The following DHODH variants were observed in gnomAD, a reference collection of about 807,000 sequenced individuals.
DHODH encodes the protein dihydroorotate dehydrogenase (quinone), mitochondrial.
In DHODH, 30 loss-of-function variants were observed where a neutral mutation model predicts 39.7. The observed-to-expected ratio is 0.76, with a 90% CI of 0.57 to 1.02. The LOEUF is 1.02. DHODH is among the 50% of genes least tolerant of loss of function. The pLI is 0.00. For synonymous variants in DHODH, 222 were observed against 213.8 expected (o/e 1.04, Z -0.34); for missense variants, 531 against 520.8 (o/e 1.02, Z -0.19).
In DHODH at chr16:72,008,755, CG is replaced by C. The variant is rs532854343; in HGVS notation, c.-8del. The C allele has an allele frequency of 1.5e-4, 240 of 1,551,530 alleles. No individual in the cohort carries two copies. Among genetic ancestry groups the C allele is most frequent in the Non-Finnish European group, 2.0e-4 (233 of 1,146,998 alleles). ...AGGGAGACAGGGGCGGGCTTAATGA[CG>C]GAAGGAGCATGGCGTGGAGACACCT... is the stretch of plus-strand genomic sequence containing the variant. On this transcript the variant is annotated 5_prime_UTR_variant, in exon 1 of 9. Transcript: ENST00000219240.
chr16:72,021,400 C>A, intron 5 of DHODH, 89 bp downstream of exon 5: 3 of 1,403,112 alleles, frequency 2.1e-6, no homozygotes, highest in Non-Finnish European at 1.9e-6. Context: ...TTCAGCATCA[C>A]CCTCAGAAGC....
At position 72,024,271 on chromosome 16, in the gene DHODH, T is replaced by C; in HGVS notation, c.*72T>C. The C allele has an allele frequency of 6.5e-7, 1 of 1,531,028 alleles. No individual in the cohort carries two copies. The highest frequency in any genetic ancestry group is 1.1e-5 in the South Asian group (1 of 89,154). The allele number at this position is 1,531,028 out of a possible 1,614,324, so 94.8% of individuals were successfully genotyped here. On this transcript the variant is annotated 3_prime_UTR_variant, in exon 9 of 9. Coordinates refer to ENST00000219240, the MANE Select transcript of DHODH (RefSeq NM_001361.5). ...CAGGCAAGCCTTTGTGGCTGGATCA[T>C]GAGAGGAGGGACTCCATCTTGAGCC...
intron 2 of DHODH, 148 bp downstream of exon 2, chr16:72,012,410 G>A: frequency 1.4e-6 from 1 of 712,722 alleles, no homozygotes; most frequent in East Asian, 2.7e-5. Flanking sequence ...ATTATTTTAT[G>A]TCATGTAATT....
rs1246090720 is a variant in DHODH, at chr16:72,027,103, TCTC to T, written c.*2907_*2909del. ...GCTCCGCCTCCCGGGTTCACACTAT[TCTC>T]CTGCCTCAGCCTCCCGAGTAGCTGG... On this transcript the variant is annotated 3_prime_UTR_variant, in exon 9 of 9. Transcript: ENST00000219240. The T allele has an allele frequency of 6.6e-6, 1 of 151,738 alleles. No homozygotes were observed. Among genetic ancestry groups the T allele is most frequent in the Non-Finnish European group, 1.5e-5 (1 of 68,012 alleles). 9.4% of individuals were successfully genotyped at this position (151,738 alleles called of 1,614,324 possible).
In DHODH at chr16:72,025,924, G is replaced by C. The variant is rs2041272267; in HGVS notation, c.*1725G>C. ...TGATTGTCCAGTCCCCCTGCGTGGA[G>C]GCTGCTTGGCTGGGCTCGAGCCCAG... is the stretch of plus-strand genomic sequence containing the variant. On this transcript the variant is annotated 3_prime_UTR_variant, in exon 9 of 9. Transcript: ENST00000219240. 1 of 152,362 alleles carries C rather than the reference G, an allele frequency of 6.6e-6. No individual in the cohort carries two copies. The highest frequency in any genetic ancestry group is 1.5e-5 in the Non-Finnish European group (1 of 68,136). 9.4% of individuals were successfully genotyped at this position (152,362 alleles called of 1,614,324 possible).
intron 2 of DHODH, 131 bp from the exon 3 acceptor site, chr16:72,014,342 G>A (rs2041116129): frequency 4.7e-6 from 4 of 853,028 alleles, no homozygotes; most frequent in Admixed American, 2.1e-5. Context: ...TTTTGACCTT[G>A]GGGGTGGGCC....
chr16:72,021,246 A>G lies in DHODH; in HGVS notation c.640A>G (p.Ser214Gly). The G allele has an allele frequency of 6.2e-7, 1 of 1,613,124 alleles. No homozygotes were observed. The highest frequency in any genetic ancestry group is 8.5e-7 in the Non-Finnish European group (1 of 1,179,730). Residue 214 changes from serine (S) to glycine (G), a missense_variant, in exon 5 of 9, where the codon AGC becomes GGC. By Grantham distance (56) the Ser-to-Gly change is moderately conservative (BLOSUM62 0). Coordinates refer to ENST00000219240, the MANE Select transcript of DHODH (RefSeq NM_001361.5). The stretch of plus-strand genomic sequence containing the variant: ...CGACTACCTGGTGGTGAATGTGTCC[A>G]GCCCCAACACTGCCGGGCTGCGGAG... ...LADYLVVNVS[S>G]PNTAGLRSLQ...
rs371267545 is a variant in DHODH, at chr16:72,022,449, G to T, written c.793G>T (p.Glu265Ter). 7 of 1,555,304 alleles carry T rather than the reference G, an allele frequency of 4.5e-6. No homozygotes were observed. Among genetic ancestry groups the T allele is most frequent in the Non-Finnish European group, 6.1e-6 (7 of 1,149,142 alleles). The stretch of plus-strand genomic sequence containing the variant: ...TCCTGACCTCACCAGCCAGGATAAG[G>T]AGGACATTGCCAGTGTGGTCAAAGA... Reference protein sequence around the residue: ...IAPDLTSQDKEDIASVVKELG... With the variant: ...IAPDLTSQDK Residue 265 changes from glutamate to a stop codon, truncating the protein, a stop_gained, in exon 6 of 9, where the codon GAG becomes TAG. Transcript: ENST00000219240. LOFTEE classifies it high-confidence loss of function.
intron 5 of DHODH, among the ~76,000 whole-genome samples, chr16:72,021,691 C>T (rs775733038): frequency 4.6e-5 from 7 of 152,082 alleles, no homozygotes; most frequent in South Asian, 2.1e-4. Flanking sequence ...CGTTGGACAC[C>T]GTGGCTCATG....
At chr16:72,022,103 A>G (rs2041224336) in intron 5 of DHODH, among the ~76,000 whole-genome samples, 1 of 151,890 alleles carries the variant, frequency 6.6e-6, no homozygotes, top group South Asian at 2.1e-4. Context: ...CAAAAAAAAA[A>G]AAAAAAAAAG....
intron 1 of DHODH, 87 bp from the exon 2 acceptor site, chr16:72,011,963 T>C (rs1230024728): frequency 9.5e-7 from 1 of 1,057,608 alleles, no homozygotes; most frequent in South Asian, 1.3e-5. Flanking sequence ...CCTGCCGTTA[T>C]GCCCTCTGTG....
intron 4 of DHODH, among the ~76,000 whole-genome samples, chr16:72,019,455 A>G (rs967310512): frequency 3.3e-5 from 5 of 152,218 alleles, no homozygotes; most frequent in Non-Finnish European, 5.9e-5. Context: ...CTCTCAGATC[A>G]AAAGTACAGC....
intron 8 of DHODH, 117 bp downstream of exon 8, chr16:72,023,750 T>C (rs965244906): frequency 1.4e-6 from 2 of 1,435,538 alleles, no homozygotes; most frequent in Non-Finnish European, 1.9e-6. Context: ...AGTTGAGGGG[T>C]ACACTCTGAA....
At chr16:72,011,971 G>C (rs1597393211) in intron 1 of DHODH, 79 bp from the exon 2 acceptor site, 1 of 1,170,546 alleles carries the variant, frequency 8.5e-7, no homozygotes, top group Non-Finnish European at 1.3e-6. Flanking sequence ...TATGCCCTCT[G>C]TGTACCTGGG....
intron 1 of DHODH, among the ~76,000 whole-genome samples, chr16:72,011,614 A>G (rs2041082096): frequency 1.3e-5 from 2 of 152,242 alleles, no homozygotes; most frequent in Non-Finnish European, 2.9e-5. Flanking sequence ...TGGCTTAGAT[A>G]ATATGAACGG....
chr16:72,016,117 A>C (rs1197231021), intron 3 of DHODH: 2 of 152,946 alleles, frequency 1.3e-5, no homozygotes, highest in African/African-American at 4.8e-5. Context: ...CTCGGCTGCA[A>C]GTATTATGTT....
At chr16:72,016,394 C>T (rs1417192493) in intron 3 of DHODH, 3 of 158,620 alleles carry the variant, frequency 1.9e-5, no homozygotes, top group African/African-American at 4.8e-5. Context: ...AGATGAGGCT[C>T]CTGCCTTCAG....
chr16:72,015,601 G>A (rs921898917), intron 3 of DHODH: 91 of 807,872 alleles, frequency 1.1e-4, no homozygotes, highest in Non-Finnish European at 1.3e-4. Flanking sequence ...TTACTTGGCC[G>A]TGCTTCCTGC....
chr16:72,012,301 C>G, intron 2 of DHODH, 39 bp downstream of exon 2: 1 of 1,590,476 alleles, frequency 6.3e-7, no homozygotes, highest in South Asian at 1.1e-5. Flanking sequence ...AATACAAAGG[C>G]GAAGGCTGCA....
Sources: allele counts gnomAD v4.1 joint callset (sites outside exome capture counted in the v4.1 genomes callset), GRCh38; gene constraint gnomAD v4.1.1; transcripts MANE v1.5; gene names NCBI Gene and HGNC (gene_info 2026-07-23, HGNC 2026-07-21).